The following MMS22L variants were observed in gnomAD, a reference collection of about 807,000 sequenced individuals.
MMS22L encodes the protein protein MMS22-like.
MMS22L carries 74 observed loss-of-function variants against 159.1 expected under a neutral mutation model. The ratio of observed to expected loss-of-function variants is 0.47; its 90% CI spans 0.39 to 0.56. MMS22L has a LOEUF of 0.56. Ranked by LOEUF, MMS22L falls within the 20% of genes least tolerant of loss-of-function variation. The pLI is 0.00. For missense variants in MMS22L, 1,351 were observed against 1,422.1 expected, an observed-to-expected ratio of 0.95 and a Z score of 0.80; for synonymous variants, 517 against 506.9, an observed-to-expected ratio of 1.02 and a Z score of -0.27.
In MMS22L at chr6:97,144,832, TACAC is replaced by T. The variant is rs1277833377; in HGVS notation, c.*1970_*1973del. ...TTATACATAAATACAAAACATATAATACACACACATATTGTTACACACTTTGTTG... is the reference window on the plus strand; with the variant it reads ...TTATACATAAATACAAAACATATAATACACATATTGTTACACACTTTGTTG... On this transcript the variant is annotated 3_prime_UTR_variant, in exon 25 of 25. Transcript: ENST00000683635. 1.1e-4 allele frequency: 16 copies of T among 152,040 alleles called. No homozygotes were observed. Among genetic ancestry groups the T allele is most frequent in the African/African-American group, 2.4e-5 (1 of 41,398 alleles). The allele number at this position is 152,040 out of a possible 1,614,324, so 9.4% of individuals were successfully genotyped here. A position where few individuals can be genotyped will look rare whatever the true frequency, so the allele number is the denominator to read the frequency against.
Position 97,282,497 on chromosome 6 carries a change from A to C in MMS22L, c.-20T>G. 1.3e-6 allele frequency: 2 copies of C among 1,489,670 alleles called. No homozygotes were observed. The highest frequency in any genetic ancestry group is 2.2e-5 in the South Asian group (2 of 88,930). The allele number at this position is 1,489,670 out of a possible 1,614,324, so 92.3% of individuals were successfully genotyped here. ...CTCCATTGTTTACTTCATGTTCTGA[A>C]ACACTTGGGGTTCGTCGTATCATTA... On this transcript the variant is annotated 5_prime_UTR_variant, in exon 2 of 25. Coordinates refer to ENST00000683635, the MANE Select transcript of MMS22L (RefSeq NM_001350599.2).
At chr6:97,187,764 C>T (rs999213879) in intron 14 of MMS22L, among the ~76,000 whole-genome samples, 1 of 151,954 alleles carries the variant, frequency 6.6e-6, no homozygotes, top group Non-Finnish European at 1.5e-5. Context: ...ACAGAACTAG[C>T]ATGTGTATCT....
intron 22 of MMS22L, among the ~76,000 whole-genome samples, chr6:97,153,148 T>C (rs1359708939): frequency 1.3e-5 from 2 of 152,096 alleles, no homozygotes; most frequent in East Asian, 3.9e-4. Context: ...GGCCTTTTTA[T>C]TTCTTAAAAG....
chr6:97,160,164 A>T (rs1474792900), intron 22 of MMS22L, among the ~76,000 whole-genome samples: 1 of 151,890 alleles, frequency 6.6e-6, no homozygotes, highest in African/African-American at 2.4e-5. Context: ...GTGAATTTAT[A>T]CTGTCTTAAT....
chr6:97,267,462 C>T (rs1172274417), intron 8 of MMS22L: 1 of 152,046 alleles, frequency 6.6e-6, no homozygotes, highest in Non-Finnish European at 1.5e-5. Flanking sequence ...AGAAAATCCT[C>T]TCTTAAAATG....
At chr6:97,267,506 T>C (rs1467522296) in intron 8 of MMS22L, 1 of 153,390 alleles carries the variant, frequency 6.5e-6, no homozygotes, top group African/African-American at 2.4e-5. Context: ...TTTATTTTAT[T>C]ATTACACAAC....
intron 15 of MMS22L, among the ~76,000 whole-genome samples, chr6:97,184,845 C>G (rs1805061672): frequency 6.6e-6 from 1 of 152,106 alleles, no homozygotes; most frequent in Non-Finnish European, 1.5e-5. Context: ...CTCCTCTGCT[C>G]AAAACTTTTC....
chr6:97,153,343 C>T (rs1446770661), intron 22 of MMS22L, among the ~76,000 whole-genome samples: 1 of 150,196 alleles, frequency 6.7e-6, no homozygotes, highest in Non-Finnish European at 1.5e-5. Flanking sequence ...ATCCCTTAAC[C>T]TACTTTCTGT....
intron 14 of MMS22L, among the ~76,000 whole-genome samples, chr6:97,215,107 TATATA>T (rs1808850757): frequency 1.2e-5 from 1 of 81,078 alleles, no homozygotes; most frequent in Non-Finnish European, 3.1e-5. Context: ...TATATATATA[TATATA>T]TATTTTTTTT....
chr6:97,208,398 T>C (rs903530077), intron 14 of MMS22L, among the ~76,000 whole-genome samples: 1 of 152,018 alleles, frequency 6.6e-6, no homozygotes, highest in African/African-American at 2.4e-5. Flanking sequence ...GATACCTAAG[T>C]GCTGAAGTTA....
chr6:97,218,649 C>T (rs916841341), intron 14 of MMS22L, among the ~76,000 whole-genome samples: 1 of 151,914 alleles, frequency 6.6e-6, no homozygotes, highest in African/African-American at 2.4e-5. Flanking sequence ...AGGTAAAAAA[C>T]AATAAAGGAC....
At chr6:97,202,355 T>C (rs1582594357) in intron 14 of MMS22L, among the ~76,000 whole-genome samples, 1 of 152,290 alleles carries the variant, frequency 6.6e-6, no homozygotes, top group South Asian at 2.1e-4. Context: ...CCTGAGATCA[T>C]ATACCTTTAA....
At chr6:97,171,956 A>C (rs1803590347) in intron 19 of MMS22L, among the ~76,000 whole-genome samples, 1 of 152,212 alleles carries the variant, frequency 6.6e-6, no homozygotes, top group African/African-American at 2.4e-5. Flanking sequence ...TAGTCTTTGA[A>C]ACCTAGACAA....
intron 9 of MMS22L, chr6:97,261,186 G>A (rs1814439256): frequency 6.6e-6 from 1 of 152,146 alleles, no homozygotes; most frequent in South Asian, 2.1e-4. Flanking sequence ...AGAAAGGCTC[G>A]TGGTAAGAGC....
chr6:97,162,148 T>C lies in MMS22L; in HGVS notation c.3239A>G (p.Tyr1080Cys), dbSNP rs774372946. The change falls in exon 22 of 25, where the codon TAT (tyrosine) becomes TGT (cysteine). Residue 1080 changes from tyrosine (Y) to cysteine (C), a missense_variant. Physicochemically the swap from Tyr to Cys is radical, Grantham distance 194. Transcript: ENST00000683635. The stretch of plus-strand genomic sequence containing the variant: ...GCGAGGAGGAGGTGAGGACCCCTTA[T>C]ACTCAAGGTAGGATTTCCTGAAAAG... ...VQVIRKSYLEYKGSSPPPRLA... is the reference protein window; with the variant it reads ...VQVIRKSYLECKGSSPPPRLA... The C allele has an allele frequency of 1.9e-6, 3 of 1,598,322 alleles. No individual in the cohort carries two copies. The highest frequency in any genetic ancestry group is 2.7e-5 in the African/African-American group (2 of 73,822).
rs984921116 is a variant in MMS22L at position 97,181,987 on chromosome 6, T to C, written c.2301A>G (p.Ile767Met). ...APSDFQPQPV[I>M]SIIQLFGWDD... ...CCCAACCAAAAAGTTGAATAATTGATATAACTGGCTGAGGCTGAAAATCTG... is the reference window on the plus strand; with the variant it reads ...CCCAACCAAAAAGTTGAATAATTGACATAACTGGCTGAGGCTGAAAATCTG... The change falls in exon 16 of 25, where the codon ATA becomes ATG. Residue 767 changes from isoleucine (I) to methionine (M), a missense_variant. By Grantham distance (10) the Ile-to-Met change is conservative. Transcript: ENST00000683635. The C allele has an allele frequency of 1.2e-6, 2 of 1,613,874 alleles. No homozygotes were observed. Among genetic ancestry groups the C allele is most frequent in the Non-Finnish European group, 1.7e-6 (2 of 1,179,820 alleles).
At position 97,263,385 on chromosome 6, in the gene MMS22L, C is replaced by A; in HGVS notation, c.892G>T (p.Val298Phe). ...CPCLCIKELWVLLIHLLDHRS... is the reference protein window; with the variant it reads ...CPCLCIKELWFLLIHLLDHRS... ...TGGTCTAGAAGATGAATAAGTAGAACCCATAATTCTTTAATGCATAAACAT... is the reference window on the plus strand; with the variant it reads ...TGGTCTAGAAGATGAATAAGTAGAAACCATAATTCTTTAATGCATAAACAT... Residue 298 changes from valine (V) to phenylalanine (F), a missense_variant, in exon 9 of 25, where the codon GTT becomes TTT. Physicochemically the swap from Val to Phe is conservative, Grantham distance 50 (BLOSUM62 -1). Coordinates refer to ENST00000683635, the MANE Select transcript of MMS22L (RefSeq NM_001350599.2). 6.3e-7 allele frequency: 1 copy of A among 1,592,704 alleles called. No individual in the cohort carries two copies. Among genetic ancestry groups the A allele is most frequent in the South Asian group, 1.2e-5 (1 of 86,696 alleles).
At chr6:97,273,125 ATGT>A in intron 4 of MMS22L, 63 bp from the exon 5 acceptor site, 1 of 1,331,260 alleles carries the variant, frequency 7.5e-7, no homozygotes, top group Non-Finnish European at 1.0e-6. Flanking sequence ...GTGACAAAAA[ATGT>A]TGTAAGCCAT....
At chr6:97,154,344 T>C (rs1010111037) in intron 22 of MMS22L, among the ~76,000 whole-genome samples, 1 of 152,180 alleles carries the variant, frequency 6.6e-6, no homozygotes, top group African/African-American at 2.4e-5. Flanking sequence ...TATTTATATA[T>C]TATAGATGCA....
Sources: gnomAD v4.1 joint callset for allele counts (sites outside exome capture counted in the v4.1 genomes callset) on GRCh38, gnomAD v4.1.1 for gene constraint, MANE v1.5 for transcripts, NCBI Gene and HGNC (gene_info 2026-07-23, HGNC 2026-07-21) for gene names.